The following CALN1 variants were observed in gnomAD, a reference collection of about 807,000 sequenced individuals.
The protein encoded by CALN1 is calcium-binding protein 8.
Under a neutral mutation model 30.6 loss-of-function variants are expected in CALN1, and 17 were observed. The observed-to-expected ratio is 0.56, with a 90% CI of 0.38 to 0.83. CALN1 has a LOEUF of 0.83. Ranked by LOEUF, CALN1 falls within the 40% of genes least tolerant of loss-of-function variation. CALN1 has a pLI of 0.00. For missense variants in CALN1, 291 were observed against 354.9 expected (o/e 0.82, Z 1.45); for synonymous variants, 156 against 131.4 (o/e 1.19, Z -1.28).
intron 5 of CALN1, among the ~76,000 whole-genome samples, chr7:71,823,415 A>C (rs1311453279): frequency 6.6e-6 from 1 of 152,198 alleles, no homozygotes; most frequent in Non-Finnish European, 1.5e-5. Flanking sequence ...ACCCTGGGTA[A>C]TTTATAAAGA....
intron 2 of CALN1, among the ~76,000 whole-genome samples, chr7:72,287,468 C>CA (rs1186625209): frequency 2.1e-5 from 2 of 97,284 alleles, no homozygotes; most frequent in African/African-American, 4.3e-5. Flanking sequence ...TTTTTTGAGA[C>CA]AGAGTCTCGG....
chr7:71,873,001 A>ATT (rs371153112), intron 5 of CALN1, among the ~76,000 whole-genome samples: 4,897 of 115,492 alleles, frequency 0.042, 516 homozygotes, highest in African/African-American at 0.17. Context: ...GTTTGTGACA[A>ATT]TTTTTTTTTT....
At chr7:72,142,736 G>T (rs1031429566) in intron 3 of CALN1, among the ~76,000 whole-genome samples, 1 of 152,182 alleles carries the variant, frequency 6.6e-6, no homozygotes, top group African/African-American at 2.4e-5. Flanking sequence ...AGTAGGGGCA[G>T]ACTGACACCT....
chr7:71,923,421 A>C (rs1264387721), intron 5 of CALN1, among the ~76,000 whole-genome samples: 2 of 152,188 alleles, frequency 1.3e-5, no homozygotes, highest in African/African-American at 4.8e-5. Context: ...TCCCCTATGC[A>C]CTTGTGATTA....
At chr7:72,079,703 C>T (rs1225257492) in intron 4 of CALN1, among the ~76,000 whole-genome samples, 2 of 151,122 alleles carry the variant, frequency 1.3e-5, no homozygotes, top group East Asian at 3.9e-4. Context: ...TTCAGACTCA[C>T]TGAAACCACT....
At chr7:72,152,460 A>C (rs1486064133) in intron 3 of CALN1, among the ~76,000 whole-genome samples, 2 of 152,188 alleles carry the variant, frequency 1.3e-5, no homozygotes, top group East Asian at 3.9e-4. Context: ...AACACATGAA[A>C]GAGATCTTTC....
At chr7:72,062,237 G>A (rs1333739142) in intron 4 of CALN1, among the ~76,000 whole-genome samples, 1 of 152,196 alleles carries the variant, frequency 6.6e-6, no homozygotes, top group Non-Finnish European at 1.5e-5. Flanking sequence ...TACCAGGGCT[G>A]GGCACAGTGG....
At position 72,237,442 on chromosome 7, in the gene CALN1, G is replaced by A. The variant is rs568280224; in HGVS notation, c.244+41244C>T. Reference sequence around the variant, plus strand: ...CCAGATAAGGGAGACAGGGAGAGACGACAGGGCCAAAGAAGTAGACTGCAC... The same window carrying A: ...CCAGATAAGGGAGACAGGGAGAGACAACAGGGCCAAAGAAGTAGACTGCAC... On this transcript the variant is annotated intron_variant, in intron 3 of 6. Transcript: ENST00000395275. Among the ~76,000 whole-genome samples the A allele has an allele frequency of 7.2e-5, 11 of 152,240 alleles. No homozygotes were observed. In the East Asian group the frequency reaches 1.2e-3, roughly 16 times the overall value.
chr7:71,860,671 C>T (rs1354324199), intron 5 of CALN1, among the ~76,000 whole-genome samples: 2 of 152,164 alleles, frequency 1.3e-5, no homozygotes, highest in Non-Finnish European at 2.9e-5. Context: ...AATGACATGA[C>T]ATTGTTACAC....
rs1256729153 is a variant in CALN1, at chr7:71,810,363, C to T, written c.631G>A (p.Gly211Arg). The part of the protein sequence containing the change: ...NEEESLNETS[G>R]NCQTEFEGVH... Reference sequence around the variant, plus strand: ...CCTTCAAACTCTGTTTGGCAGTTCCCCGAGGTCTCATTCAGGCTCTCTTCC... The same window carrying T: ...CCTTCAAACTCTGTTTGGCAGTTCCTCGAGGTCTCATTCAGGCTCTCTTCC... Residue 211 changes from glycine (G) to arginine (R), a missense_variant, in exon 6 of 7, where the codon GGG becomes AGG. This residue lies in a region of CALN1 where 169 missense variants were observed against 251.7 expected (regional missense o/e 0.67). Coordinates refer to ENST00000395275, the MANE Select transcript of CALN1 (RefSeq NM_031468.4). 6.2e-7 allele frequency: 1 copy of T among 1,613,950 alleles called. No homozygotes were observed. Among genetic ancestry groups the T allele is most frequent in the Admixed American group, 1.7e-5 (1 of 59,990 alleles).
chr7:72,208,602 G>C (rs1253961829), intron 3 of CALN1, among the ~76,000 whole-genome samples: 1 of 152,154 alleles, frequency 6.6e-6, no homozygotes, highest in Non-Finnish European at 1.5e-5. Flanking sequence ...CCACCTGGGT[G>C]GCAGAATGCC....
chr7:72,206,135 C>T (rs1426657640), intron 3 of CALN1, among the ~76,000 whole-genome samples: 1 of 152,180 alleles, frequency 6.6e-6, no homozygotes, highest in Non-Finnish European at 1.5e-5. Context: ...ACGTAATGGG[C>T]TCTTCACAGC....
At chr7:72,278,156 C>T (rs866142281) in intron 3 of CALN1, among the ~76,000 whole-genome samples, 1 of 152,106 alleles carries the variant, frequency 6.6e-6, no homozygotes, top group Non-Finnish European at 1.5e-5. Flanking sequence ...CAGGGCTGTA[C>T]TGTGTTACAA....
the CALN1 span, among the ~76,000 whole-genome samples, chr7:72,482,740 A>G: frequency 1.3e-5 from 2 of 152,150 alleles, no homozygotes; most frequent in Non-Finnish European, 2.9e-5. Context: ...ATATCCTTTA[A>G]AGAGATTTAA....
intron 3 of CALN1, among the ~76,000 whole-genome samples, chr7:72,167,789 C>A (rs2129545246): frequency 6.6e-6 from 1 of 152,270 alleles, no homozygotes; most frequent in South Asian, 2.1e-4. Flanking sequence ...ATCCTAATTT[C>A]CAACCTATTT....
chr7:71,966,546 G>C (rs1409954792), intron 5 of CALN1, among the ~76,000 whole-genome samples: 1 of 152,074 alleles, frequency 6.6e-6, no homozygotes, highest in East Asian at 1.9e-4. Context: ...TCCTGCTCCT[G>C]GTCCTGCCAT....
At chr7:71,791,884 G>A (rs1033803267) in intron 6 of CALN1, among the ~76,000 whole-genome samples, 15 of 152,266 alleles carry the variant, frequency 9.9e-5, no homozygotes, top group South Asian at 8.3e-4. Context: ...GTTGGCGGGC[G>A]CCTGCAGTCC....
chr7:72,221,570 T>C (rs1172439091), intron 3 of CALN1, among the ~76,000 whole-genome samples: 8 of 152,044 alleles, frequency 5.3e-5, no homozygotes, highest in Admixed American at 5.2e-4. Flanking sequence ...CATAACTACT[T>C]AGGACCAGGA....
chr7:72,067,450 A>C (rs1804100620), intron 4 of CALN1, among the ~76,000 whole-genome samples: 2 of 151,844 alleles, frequency 1.3e-5, no homozygotes, highest in Non-Finnish European at 2.9e-5. Context: ...AGGTTTTGCT[A>C]TGTTGCCCAG....
Sources: allele counts gnomAD v4.1 joint callset (sites outside exome capture counted in the v4.1 genomes callset), GRCh38; gene constraint gnomAD v4.1.1; regional missense constraint gnomAD v4.1.1; transcripts MANE v1.5; gene names NCBI Gene and HGNC (gene_info 2026-07-23, HGNC 2026-07-21).